XYLB: variants seen among roughly 807,000 people sequenced by gnomAD.
The protein encoded by XYLB is xylulose kinase.
In XYLB, 62 loss-of-function variants were observed where a neutral mutation model predicts 78.7. The observed-to-expected ratio is 0.79, with a 90% confidence interval of 0.64 to 0.97. XYLB has a LOEUF of 0.97. XYLB is among the 50% of genes least tolerant of loss of function. The pLI, the probability that XYLB is intolerant of heterozygous loss-of-function variation, is 0.00. For missense variants in XYLB, 687 were observed against 676.8 expected (o/e 1.02, Z -0.17); for synonymous variants, 245 against 247.4 (o/e 0.99, Z 0.09).
chr3:38,442,041 G>A, the XYLB span, among the ~76,000 whole-genome samples: 1 of 152,130 alleles, frequency 6.6e-6, no homozygotes, highest in Non-Finnish European at 1.5e-5. Flanking sequence ...AGTATAGAGT[G>A]GTCTGGCCAT....
intron 15 of XYLB, among the ~76,000 whole-genome samples, chr3:38,394,406 T>C (rs1207650461): frequency 2.6e-5 from 4 of 152,214 alleles, no homozygotes; most frequent in African/African-American, 9.6e-5. Flanking sequence ...TATTAAACTC[T>C]TGTTAGTTTT....
intron 14 of XYLB, among the ~76,000 whole-genome samples, chr3:38,378,893 C>T (rs1575495464): frequency 6.6e-6 from 1 of 150,530 alleles, no homozygotes; most frequent in East Asian, 2.0e-4. Flanking sequence ...AAACAGGCGC[C>T]ACTATTACCT....
chr3:38,421,540 G>A (rs144374265), downstream of XYLB, among the ~76,000 whole-genome samples: 220 of 152,318 alleles, frequency 1.4e-3, no homozygotes, highest in African/African-American at 4.9e-3. Context: ...GCTGGTTTCC[G>A]GACCGAGGAA....
chr3:38,353,902 AG>A (rs1226903828), intron 2 of XYLB, among the ~76,000 whole-genome samples: 4 of 147,644 alleles, frequency 2.7e-5, no homozygotes, highest in African/African-American at 9.9e-5. Flanking sequence ...AAAAAAAAAA[AG>A]AAGTCCATCT....
chr3:38,365,286 G>T lies in XYLB; in HGVS notation c.378+1G>T, dbSNP rs1428758266. ...CCTCCGGCTACACCAGCAGCTGCAG[G>T]TAACTGTGGCTACGTTGTGTGAGTG... On this transcript the variant is annotated splice_donor_variant, in intron 5 of 18. Coordinates refer to ENST00000207870, the MANE Select transcript of XYLB (RefSeq NM_005108.4). LOFTEE classifies it high-confidence loss of function. 1 of 1,614,168 alleles carries T rather than the reference G, an allele frequency of 6.2e-7. No individual in the cohort carries two copies. Among genetic ancestry groups the T allele is most frequent in the East Asian group, 2.2e-5 (1 of 44,882 alleles).
At chr3:38,376,882 C>T (rs1205427131) in intron 13 of XYLB, 36 bp from the exon 14 acceptor site, 6 of 1,577,744 alleles carry the variant, frequency 3.8e-6, no homozygotes, top group Non-Finnish European at 5.2e-6. Flanking sequence ...TGTTTTTTGA[C>T]TAATGACGGC....
downstream of XYLB, among the ~76,000 whole-genome samples, chr3:38,422,038 T>C (rs62239927): frequency 0.12 from 18,422 of 152,240 alleles, 1,352 homozygotes; most frequent in Non-Finnish European, 0.16. Flanking sequence ...ATGGCTACAT[T>C]TGAGTCTTTT....
At chr3:38,447,470 ATTTTTTTTTTTT>A in the XYLB span, among the ~76,000 whole-genome samples, 1 of 124,948 alleles carries the variant, frequency 8.0e-6, no homozygotes, top group Admixed American at 8.1e-5. Flanking sequence ...CATCTGGCTA[ATTTTTTTTTTTT>A]TTTTTTTTTT....
chr3:38,419,601 T>TAA (rs1296828638), downstream of XYLB, among the ~76,000 whole-genome samples: 1 of 125,552 alleles, frequency 8.0e-6, no homozygotes, highest in Admixed American at 8.8e-5. Flanking sequence ...TATATATATA[T>TAA]ATAATAGCCA....
intron 4 of XYLB, among the ~76,000 whole-genome samples, chr3:38,364,410 G>A (rs893490963): frequency 4.0e-5 from 6 of 151,738 alleles, no homozygotes; most frequent in South Asian, 4.2e-4. Flanking sequence ...CTCTGTGCAC[G>A]CTGCTCCCCC....
chr3:38,381,117 A>G (rs1351607972), intron 15 of XYLB, among the ~76,000 whole-genome samples: 4 of 152,200 alleles, frequency 2.6e-5, no homozygotes, highest in Non-Finnish European at 4.4e-5. Flanking sequence ...AGGGACCCCA[A>G]ACGGAGGGAC....
intron 18 of XYLB, among the ~76,000 whole-genome samples, chr3:38,402,965 A>G (rs897749209): frequency 6.6e-6 from 1 of 152,144 alleles, no homozygotes; most frequent in East Asian, 1.9e-4. Context: ...AATCCACTAT[A>G]TCTGAAATAT....
At chr3:38,376,348 G>A (rs1472915061) in intron 13 of XYLB, 116 bp downstream of exon 13, 1 of 712,336 alleles carries the variant, frequency 1.4e-6, no homozygotes, top group Admixed American at 2.1e-5. Context: ...GTCCAGGGGA[G>A]TCCTGTCTGT....
At chr3:38,440,436 A>G in the XYLB span, among the ~76,000 whole-genome samples, 1 of 152,214 alleles carries the variant, frequency 6.6e-6, no homozygotes. Flanking sequence ...CTCTGCTTCT[A>G]CAAGAGTTTC....
intron 2 of XYLB, among the ~76,000 whole-genome samples, chr3:38,357,865 TA>T (rs10717157): frequency 0.89 from 134,773 of 151,218 alleles, 60,693 homozygotes; most frequent in East Asian, 1. Flanking sequence ...TGCCCTTTTT[TA>T]AAAAAAAACT....
intron 9 of XYLB, 72 bp downstream of exon 9, chr3:38,370,246 A>ACACACACACT (rs1002852444): frequency 1.2e-6 from 1 of 822,672 alleles, no homozygotes; most frequent in African/African-American, 1.7e-5. Flanking sequence ...TAGCGCACAC[A>ACACACACACT]CACACACACA....
the XYLB span, among the ~76,000 whole-genome samples, chr3:38,449,172 G>A: frequency 6.6e-6 from 1 of 152,046 alleles, no homozygotes; most frequent in Non-Finnish European, 1.5e-5. Flanking sequence ...TGCCAGGCTG[G>A]AGTGCAGTGG....
intron 15 of XYLB, among the ~76,000 whole-genome samples, chr3:38,384,158 C>T (rs1423094042): frequency 6.6e-6 from 1 of 152,080 alleles, no homozygotes; most frequent in African/African-American, 2.4e-5. Flanking sequence ...CCTCCGCCTC[C>T]CGGGTTCAAG....
chr3:38,382,646 G>A (rs1003942140), intron 15 of XYLB, among the ~76,000 whole-genome samples: 1 of 152,170 alleles, frequency 6.6e-6, no homozygotes, highest in Admixed American at 6.5e-5. Flanking sequence ...GGGTGAGCAG[G>A]GCAGGGTTGG....
Sources: gnomAD v4.1 joint callset for allele counts (sites outside exome capture counted in the v4.1 genomes callset) on GRCh38, gnomAD v4.1.1 for gene constraint, MANE v1.5 for transcripts, NCBI Gene and HGNC (gene_info 2026-07-23, HGNC 2026-07-21) for gene names.